The following CDC42BPA variants were observed in gnomAD, a reference collection of about 807,000 sequenced individuals.
CDC42BPA encodes CDC42 binding protein kinase alpha.
In CDC42BPA, 80 loss-of-function variants were observed where a neutral mutation model predicts 223.5. The ratio of observed to expected loss-of-function variants is 0.36; its 90% CI spans 0.30 to 0.43. The LOEUF is 0.43. CDC42BPA is among the 20% of genes least tolerant of loss of function. The pLI is 1.00. For missense variants in CDC42BPA, 1,743 were observed against 2,099.9 expected, an observed-to-expected ratio of 0.83 and a Z score of 3.32; for synonymous variants, 694 against 718.6, an observed-to-expected ratio of 0.97 and a Z score of 0.55.
At chr1:227,207,489 A>G (rs940897368) in intron 3 of CDC42BPA, among the ~76,000 whole-genome samples, 69 of 142,436 alleles carry the variant, frequency 4.8e-4, no homozygotes, top group Non-Finnish European at 8.9e-4. Flanking sequence ...AGCATTAGGT[A>G]TATCTCCCAA....
At chr1:227,239,356 T>C (rs1679635729) in intron 2 of CDC42BPA, among the ~76,000 whole-genome samples, 1 of 152,148 alleles carries the variant, frequency 6.6e-6, no homozygotes, top group Non-Finnish European at 1.5e-5. Flanking sequence ...ATACATAACA[T>C]ACATTTGTCA....
chr1:227,205,283 A>AT (rs1553394699), intron 3 of CDC42BPA, among the ~76,000 whole-genome samples: 132 of 122,746 alleles, frequency 1.1e-3, no homozygotes, highest in East Asian at 5.0e-3. Context: ...AAAAAAAAAA[A>AT]ATATATATAT....
intron 11 of CDC42BPA, 60 bp from the exon 12 acceptor site, chr1:227,119,997 A>T: frequency 7.1e-7 from 1 of 1,403,726 alleles, no homozygotes; most frequent in Non-Finnish European, 9.6e-7. Context: ...ATTGAACCTA[A>T]GGTAAAACAA....
intron 30 of CDC42BPA, among the ~76,000 whole-genome samples, chr1:227,028,260 C>T (rs999515365): frequency 1.3e-5 from 2 of 151,998 alleles, no homozygotes; most frequent in Non-Finnish European, 2.9e-5. Context: ...TACATTATAC[C>T]TTTACATACC....
At chr1:227,101,280 TAATAA>T in intron 14 of CDC42BPA, 41 bp from the exon 15 acceptor site, 1 of 1,215,230 alleles carries the variant, frequency 8.2e-7, no homozygotes, top group Non-Finnish European at 1.1e-6. Context: ...TCTACAAGAA[TAATAA>T]AATATTTAAA....
intron 35 of CDC42BPA, among the ~76,000 whole-genome samples, chr1:226,997,657 T>C (rs1393716070): frequency 1.3e-5 from 2 of 152,240 alleles, no homozygotes; most frequent in Non-Finnish European, 2.9e-5. Flanking sequence ...TGTGTCTTTG[T>C]TCTCATTGGT....
intron 17 of CDC42BPA, among the ~76,000 whole-genome samples, chr1:227,075,475 T>C (rs1679273706): frequency 6.6e-6 from 1 of 152,128 alleles, no homozygotes; most frequent in South Asian, 2.1e-4. Flanking sequence ...CTTTGGAGTA[T>C]AAGCAAAAGA....
intron 6 of CDC42BPA, among the ~76,000 whole-genome samples, chr1:227,155,151 A>G (rs1662498359): frequency 6.6e-6 from 1 of 152,204 alleles, no homozygotes; most frequent in African/African-American, 2.4e-5. Context: ...GTCAACAATC[A>G]TAACATTTCA....
chr1:227,139,316 AT>A (rs1659244860), intron 10 of CDC42BPA, among the ~76,000 whole-genome samples: 1 of 152,142 alleles, frequency 6.6e-6, no homozygotes, highest in Non-Finnish European at 1.5e-5. Context: ...CCATTTCCCC[AT>A]CCCCAAAGGT....
At chr1:227,203,144 T>G (rs1672080823) in intron 3 of CDC42BPA, among the ~76,000 whole-genome samples, 1 of 152,148 alleles carries the variant, frequency 6.6e-6, no homozygotes, top group Non-Finnish European at 1.5e-5. Flanking sequence ...CATATACATA[T>G]TTTTAAGCAA....
In CDC42BPA at chr1:227,016,913, G is replaced by A. The variant is rs752428735; in HGVS notation, c.4739+14C>T. 92 of 1,607,506 alleles carry A rather than the reference G, an allele frequency of 5.7e-5. No individual in the cohort carries two copies. The highest frequency in any genetic ancestry group is 2.2e-4 in the Admixed American group (13 of 59,242). ...ACAAGCAAGCATGGATGATACTACA[G>A]GTTAAGTATCTACCTCCTCTGCTGC... On this transcript the variant is annotated intron_variant, in intron 33 of 36. Transcript: ENST00000366766.
intron 2 of CDC42BPA, among the ~76,000 whole-genome samples, chr1:227,232,458 G>A (rs1017449346): frequency 2.6e-5 from 4 of 152,192 alleles, no homozygotes; most frequent in African/African-American, 9.7e-5. Context: ...TTGCTGGCAA[G>A]GAGCTGCGTT....
chr1:227,076,841 C>G (rs577589284), intron 17 of CDC42BPA, among the ~76,000 whole-genome samples: 1 of 152,244 alleles, frequency 6.6e-6, no homozygotes, highest in East Asian at 1.9e-4. Flanking sequence ...CCCAAACATC[C>G]CATTTTCCCT....
intron 1 of CDC42BPA, among the ~76,000 whole-genome samples, chr1:227,299,887 A>G (rs1425001629): frequency 1.3e-5 from 2 of 152,210 alleles, no homozygotes; most frequent in Non-Finnish European, 2.9e-5. Flanking sequence ...ATCTGAATGT[A>G]AAGAGTCATA....
At chr1:227,250,185 A>T (rs557150104) in intron 2 of CDC42BPA, among the ~76,000 whole-genome samples, 3 of 152,058 alleles carry the variant, frequency 2.0e-5, no homozygotes, top group South Asian at 2.1e-4. Flanking sequence ...CACAAAAATT[A>T]AAAAAAATAA....
intron 4 of CDC42BPA, among the ~76,000 whole-genome samples, chr1:227,194,597 G>A (rs768473220): frequency 1.3e-5 from 2 of 152,140 alleles, no homozygotes; most frequent in African/African-American, 2.4e-5. Context: ...GTAAAGAAAC[G>A]ATGAGAAGAG....
At chr1:227,291,810 C>G (rs1689749499) in intron 1 of CDC42BPA, among the ~76,000 whole-genome samples, 1 of 152,038 alleles carries the variant, frequency 6.6e-6, no homozygotes, top group African/African-American at 2.4e-5. Context: ...TATTACTGTA[C>G]TATCATTTAA....
At chr1:227,301,003 C>T (rs919241093) in intron 1 of CDC42BPA, among the ~76,000 whole-genome samples, 3 of 152,184 alleles carry the variant, frequency 2.0e-5, no homozygotes, top group Admixed American at 2.0e-4. Flanking sequence ...TAATCATATC[C>T]ATCCTTTGCG....
intron 16 of CDC42BPA, among the ~76,000 whole-genome samples, chr1:227,085,009 C>T (rs561952036): frequency 2.6e-5 from 4 of 152,294 alleles, no homozygotes; most frequent in South Asian, 2.1e-4. Flanking sequence ...AGACCTGAAA[C>T]GAGGCAGAAG....
Sources: allele counts gnomAD v4.1 joint callset (sites outside exome capture counted in the v4.1 genomes callset), GRCh38; gene constraint gnomAD v4.1.1; transcripts MANE v1.5; gene names NCBI Gene and HGNC (gene_info 2026-07-23, HGNC 2026-07-21).